CSMD1: variants seen among roughly 807,000 people sequenced by gnomAD.
CSMD1 encodes the protein CUB and Sushi multiple domains 1, also known as CUB and sushi domain-containing protein 1.
In CSMD1, 213 loss-of-function variants were observed where a neutral mutation model predicts 417.5. The ratio of observed to expected loss-of-function variants is 0.51; its 90% confidence interval spans 0.46 to 0.57. The LOEUF (loss-of-function observed/expected upper bound fraction) is 0.57, where lower values mean the gene tolerates loss of function less well. Ranked by LOEUF, CSMD1 falls within the 20% of genes least tolerant of loss-of-function variation. The pLI is 0.00. For synonymous variants in CSMD1, 2,862 were observed against 1,736.8 expected (o/e 1.65, Z -16.11); for missense variants, 6,923 against 4,529.7 (o/e 1.53, Z -15.17).
At chr8:3,499,142 T>C (rs759869404) in intron 10 of CSMD1, among the ~76,000 whole-genome samples, 1 of 152,216 alleles carries the variant, frequency 6.6e-6, no homozygotes, top group Non-Finnish European at 1.5e-5. Flanking sequence ...GTAGTTTTAG[T>C]AGGAAAAAAC....
At position 4,125,213 on chromosome 8, in the gene CSMD1, G is replaced by A. The variant is rs564867974; in HGVS notation, c.416-93114C>T. 9.9e-5 allele frequency among the ~76,000 whole-genome samples: 15 copies of A among 152,236 alleles called. No individual in the cohort carries two copies. In the South Asian group the frequency reaches 3.1e-3, roughly 32 times the overall value. ...AATTACTAAACTAAAGGGAAAGGTCGAGCTGGGAACTGCTTAGGGCCAACC... is the reference window on the plus strand; with the variant it reads ...AATTACTAAACTAAAGGGAAAGGTCAAGCTGGGAACTGCTTAGGGCCAACC... On this transcript the variant is annotated intron_variant, in intron 3 of 69. Coordinates refer to ENST00000635120, the MANE Select transcript of CSMD1 (RefSeq NM_033225.6).
At chr8:4,055,627 TG>T in intron 3 of CSMD1, among the ~76,000 whole-genome samples, 2 of 152,156 alleles carry the variant, frequency 1.3e-5, no homozygotes, top group South Asian at 4.1e-4. Context: ...AAAATATTAA[TG>T]GAAAATATTA....
intron 41 of CSMD1, among the ~76,000 whole-genome samples, chr8:3,140,255 G>C (rs1271768767): frequency 1.3e-5 from 2 of 152,118 alleles, no homozygotes; most frequent in East Asian, 3.9e-4. Context: ...AAAAGAGAGA[G>C]AGCAGAGAAT....
intron 3 of CSMD1, among the ~76,000 whole-genome samples, chr8:4,093,407 C>T (rs1585298753): frequency 6.6e-6 from 1 of 151,960 alleles, no homozygotes. Flanking sequence ...TTGTTTAAAG[C>T]CAACAGAGGT....
intron 3 of CSMD1, among the ~76,000 whole-genome samples, chr8:4,317,503 C>T (rs978540650): frequency 6.6e-6 from 1 of 151,732 alleles, no homozygotes; most frequent in Non-Finnish European, 1.5e-5. Flanking sequence ...ACTATGCCTG[C>T]TAAGGTAAGT....
At chr8:3,933,549 G>T (rs955691409) in intron 5 of CSMD1, among the ~76,000 whole-genome samples, 1 of 152,272 alleles carries the variant, frequency 6.6e-6, no homozygotes, top group South Asian at 2.1e-4. Flanking sequence ...AGAGATGAGA[G>T]TCCTGGCAAA....
intron 5 of CSMD1, among the ~76,000 whole-genome samples, chr8:3,992,435 A>T (rs1428401175): frequency 6.6e-6 from 1 of 152,186 alleles, no homozygotes; most frequent in East Asian, 1.9e-4. Flanking sequence ...ATAAGTGTTG[A>T]GGTGCATAGC....
chr8:4,257,072 CTCT>C (rs1563345944), intron 3 of CSMD1, among the ~76,000 whole-genome samples: 1 of 152,126 alleles, frequency 6.6e-6, no homozygotes, highest in African/African-American at 2.4e-5. Flanking sequence ...AATTGACAGT[CTCT>C]TCTTAGAACT....
At chr8:4,439,753 G>C (rs1376276300) in intron 2 of CSMD1, among the ~76,000 whole-genome samples, 1 of 152,140 alleles carries the variant, frequency 6.6e-6, no homozygotes, top group Non-Finnish European at 1.5e-5. Context: ...TCAGTTTTGT[G>C]TTACTAATGG....
intron 6 of CSMD1, among the ~76,000 whole-genome samples, chr8:3,736,423 A>G (rs1413812189): frequency 6.6e-6 from 1 of 151,984 alleles, no homozygotes; most frequent in Admixed American, 6.6e-5. Flanking sequence ...TAAAAAAAAA[A>G]ATGTAGCAAT....
At chr8:4,989,019 G>A (rs752711948) in intron 1 of CSMD1, among the ~76,000 whole-genome samples, 2 of 152,144 alleles carry the variant, frequency 1.3e-5, no homozygotes, top group African/African-American at 2.4e-5. Context: ...GTCACTTAAG[G>A]TCATTTTAAA....
At position 3,792,675 on chromosome 8, in the gene CSMD1, G is replaced by A. The variant is rs115370911; in HGVS notation, c.819-38633C>T. 7.6e-3 allele frequency among the ~76,000 whole-genome samples: 1,160 copies of A among 152,190 alleles called. 9 individuals carry two copies. Among genetic ancestry groups the A allele is most frequent in the African/African-American group, 0.021 (884 of 41,532 alleles). On this transcript the variant is annotated intron_variant, in intron 5 of 69. Coordinates refer to ENST00000635120, the MANE Select transcript of CSMD1 (RefSeq NM_033225.6). The stretch of plus-strand genomic sequence containing the variant: ...TGTTACAGAAAACAAAACAGAGACC[G>A]CAATCATGAAATCTTTTCTAAAATT...
intron 3 of CSMD1, among the ~76,000 whole-genome samples, chr8:4,041,771 T>G (rs1048818962): frequency 6.6e-6 from 1 of 152,098 alleles, no homozygotes; most frequent in Non-Finnish European, 1.5e-5. Flanking sequence ...ACATGTTGTC[T>G]TGAGACATGG....
At chr8:3,693,813 GTGTT>G (rs1163278787) in intron 7 of CSMD1, among the ~76,000 whole-genome samples, 6 of 151,174 alleles carry the variant, frequency 4.0e-5, no homozygotes, top group African/African-American at 7.3e-5. Flanking sequence ...TGTGTGTGTT[GTGTT>G]TGTTATGGTG....
chr8:4,003,110 C>A (rs1815823233), intron 4 of CSMD1, among the ~76,000 whole-genome samples: 1 of 152,088 alleles, frequency 6.6e-6, no homozygotes, highest in African/African-American at 2.4e-5. Context: ...AAACAAGATA[C>A]AGGCTTGGCG....
At chr8:4,325,300 T>C (rs1243383686) in intron 3 of CSMD1, among the ~76,000 whole-genome samples, 2 of 152,164 alleles carry the variant, frequency 1.3e-5, no homozygotes, top group Non-Finnish European at 2.9e-5. Flanking sequence ...ATTAATTAAA[T>C]GGCAACCTAG....
At chr8:3,895,843 C>A (rs527265663) in intron 5 of CSMD1, among the ~76,000 whole-genome samples, 121 of 152,312 alleles carry the variant, frequency 7.9e-4, no homozygotes, top group African/African-American at 2.7e-3. Flanking sequence ...CTGGCTTGTT[C>A]CCTTCCAGAC....
chr8:4,829,283 G>C (rs539365172), intron 1 of CSMD1, among the ~76,000 whole-genome samples: 11 of 152,156 alleles, frequency 7.2e-5, no homozygotes, highest in South Asian at 4.2e-4. Flanking sequence ...ACAATATTTA[G>C]TCATAAGCTT....
At chr8:3,867,962 T>C (rs187573669) in intron 5 of CSMD1, among the ~76,000 whole-genome samples, 101 of 152,210 alleles carry the variant, frequency 6.6e-4, no homozygotes, top group Non-Finnish European at 1.1e-3. Context: ...TTCTCTGGTG[T>C]TTATGTCACT....
Sources: gnomAD v4.1 joint callset for allele counts (sites outside exome capture counted in the v4.1 genomes callset) on GRCh38, gnomAD v4.1.1 for gene constraint, MANE v1.5 for transcripts, NCBI Gene and HGNC (gene_info 2026-07-23, HGNC 2026-07-21) for gene names.